Variants in DNAH17 observed in about 807,000 individuals in gnomAD.
DNAH17 encodes dynein axonemal heavy chain 17, also known as axonemal beta dynein heavy chain 17.
In DNAH17, 376 loss-of-function variants were observed where a neutral mutation model predicts 485.6. That is an observed-to-expected ratio of 0.77 (90% CI 0.71 to 0.84). The LOEUF (loss-of-function observed/expected upper bound fraction) is 0.84, where lower values mean the gene tolerates loss of function less well. DNAH17 is among the 40% of genes least tolerant of loss of function. DNAH17 has a pLI of 0.00. For missense variants in DNAH17, 6,370 were observed against 5,839.3 expected, an observed-to-expected ratio of 1.09 and a Z score of -2.96; for synonymous variants, 3,031 against 2,405.9, an observed-to-expected ratio of 1.26 and a Z score of -7.60.
chr17:78,575,971 T>C (rs2092427699), intron 1 of DNAH17, among the ~76,000 whole-genome samples: 1 of 152,112 alleles, frequency 6.6e-6, no homozygotes, highest in Admixed American at 6.5e-5. Context: ...AAGGGCAGGG[T>C]TGAATGCAAA....
rs115513537 is a variant in DNAH17, at chr17:78,492,531, A to G, written c.6541+102T>C. 725 of 1,516,210 alleles carry G rather than the reference A, an allele frequency of 4.8e-4. 2 individuals are homozygous for G. The African/African-American group carries it at 8.7e-3, about 18-fold the overall frequency. 93.9% of individuals were successfully genotyped at this position (1,516,210 alleles called of 1,614,324 possible). A position where few individuals can be genotyped will look rare whatever the true frequency, so the allele number is the denominator to read the frequency against. On this transcript the variant is annotated intron_variant, in intron 42 of 80. Transcript: ENST00000389840. The stretch of plus-strand genomic sequence containing the variant: ...GCCACGTGCCTGTGTGCCCCACCCT[A>G]GCCTGGGGAGGCTGGCCTTCCACGT...
intron 26 of DNAH17, among the ~76,000 whole-genome samples, chr17:78,512,073 G>A (rs2090649711): frequency 1.3e-5 from 2 of 152,176 alleles, no homozygotes; most frequent in Admixed American, 6.5e-5. Context: ...GGCGGAGCAG[G>A]AGCCTCTAAC....
intron 55 of DNAH17, among the ~76,000 whole-genome samples, 180 bp downstream of exon 55, chr17:78,468,437 C>T (rs570379645): frequency 3.3e-5 from 5 of 152,256 alleles, no homozygotes; most frequent in East Asian, 3.9e-4. Flanking sequence ...TAACGACCCA[C>T]GTGAAAAAGT....
chr17:78,570,460 C>T, intron 6 of DNAH17, 88 bp from the exon 7 acceptor site: 1 of 1,485,814 alleles, frequency 6.7e-7, no homozygotes, highest in East Asian at 2.5e-5. Flanking sequence ...CCATGGCTCT[C>T]ACTGGGTATC....
intron 68 of DNAH17, 67 bp downstream of exon 68, chr17:78,450,187 C>T (rs2087484954): frequency 1.9e-6 from 3 of 1,584,528 alleles, no homozygotes; most frequent in Middle Eastern, 1.9e-4. Context: ...GGGCAACAGG[C>T]CTGGCTGTGG....
chr17:78,561,028 G>A (rs754021830), intron 12 of DNAH17, 93 bp from the exon 13 acceptor site: 49 of 1,241,122 alleles, frequency 3.9e-5, no homozygotes, highest in South Asian at 2.2e-4. Context: ...CTGGGGTGCC[G>A]AAGCGGCCGG....
In DNAH17 at chr17:78,530,407, G is replaced by C; in HGVS notation, c.3220C>G (p.Leu1074Val). The C allele has an allele frequency of 6.2e-7, 1 of 1,613,726 alleles. No homozygotes were observed. The highest frequency in any genetic ancestry group is 8.5e-7 in the Non-Finnish European group (1 of 1,179,818). The change falls in exon 21 of 81, where the codon CTC becomes GTC. Residue 1074 changes from leucine to valine, a missense_variant. Physicochemically the swap from Leu to Val is conservative, Grantham distance 32. Coordinates refer to ENST00000389840, the MANE Select transcript of DNAH17 (RefSeq NM_173628.4). ...CDCRPFKQAL[L>V]STIRRWGFMF... ...AAGCCCCAGCGCCGGATTGTGCTGA[G>C]CAGGGCCTGCTTGAAGGGGCGGCAG... is the stretch of plus-strand genomic sequence containing the variant.
rs2087555325 is a variant in DNAH17 at position 78,451,573 on chromosome 17, C to T, written c.10630G>A (p.Ala3544Thr). 1 of 1,613,328 alleles carries T rather than the reference C, an allele frequency of 6.2e-7. No homozygotes were observed. The highest frequency in any genetic ancestry group is 8.5e-7 in the Non-Finnish European group (1 of 1,179,610). ...AGGAAGTTGATGAGGGTGCACTGAG[C>T]CTGCATCTCTGGCTTGTAGTGTGGG... The part of the protein sequence containing the change: ...FNPHYKPEMQ[A>T]QCTLINFLVT... The change falls in exon 66 of 81, where the codon GCT (alanine) becomes ACT (threonine). Residue 3544 changes from alanine to threonine, a missense_variant. By Grantham distance (58) the Ala-to-Thr change is moderately conservative. Transcript: ENST00000389840.
chr17:78,466,894 C>G, intron 55 of DNAH17, 78 bp from the exon 56 acceptor site: 2 of 1,411,442 alleles, frequency 1.4e-6, no homozygotes, highest in East Asian at 5.6e-5. Flanking sequence ...GCAGAAAGCT[C>G]TGCCAGAAAG....
At position 78,508,969 on chromosome 17, in the gene DNAH17, G is replaced by GTTT. The variant is rs112772580; in HGVS notation, c.4237-1167_4237-1165dup. Among the ~76,000 whole-genome samples, 188 of 98,780 alleles carry GTTT rather than the reference G, an allele frequency of 1.9e-3. 5 individuals carry two copies. The highest frequency in any genetic ancestry group is 3.3e-3 in the Non-Finnish European group (167 of 51,354). 64.8% of individuals were successfully genotyped at this position (98,780 alleles called of 152,430 possible). A position where few individuals can be genotyped will look rare whatever the true frequency, so the allele number is the denominator to read the frequency against. On this transcript the variant is annotated intron_variant, in intron 27 of 80. Transcript: ENST00000389840. ...GGTGTGTGTCATCATGTGCCCAGCT[G>GTTT]TTTTTTTTTTTTTTTGAGATGGAGT... is the stretch of plus-strand genomic sequence containing the variant.
rs1725252617 is a variant in DNAH17 at position 78,502,893 on chromosome 17, G to A, written c.5075C>T (p.Pro1692Leu). 6.2e-7 allele frequency: 1 copy of A among 1,613,860 alleles called. No homozygotes were observed. Among genetic ancestry groups the A allele is most frequent in the Non-Finnish European group, 8.5e-7 (1 of 1,179,900 alleles). The change falls in exon 32 of 81, where the codon CCA becomes CTA. Residue 1692 changes from proline (P) to leucine (L), a missense_variant. By Grantham distance (98) the Pro-to-Leu change is moderately conservative. Transcript: ENST00000389840. ...KPREQWILDY[P>L]AQVALTCTQI... is the part of the protein sequence containing the mutation. ...CCCCCACCCGCCTCAGACCTGGGCT[G>A]GGTAGTCCAGGATCCACTGCTCCCT...
chr17:78,463,670 G>A (rs925359857), intron 56 of DNAH17, among the ~76,000 whole-genome samples: 6 of 152,192 alleles, frequency 3.9e-5, no homozygotes, highest in African/African-American at 1.4e-4. Context: ...TCATATCCCA[G>A]GTAATTCTGC....
chr17:78,528,476 C>G (rs937868528), intron 22 of DNAH17, among the ~76,000 whole-genome samples: 2 of 152,156 alleles, frequency 1.3e-5, no homozygotes, highest in Non-Finnish European at 1.5e-5. Context: ...GGCCGGGGCC[C>G]CTCCCTCTTG....
chr17:78,550,093 G>T (rs1458123345), intron 16 of DNAH17, among the ~76,000 whole-genome samples: 1 of 152,258 alleles, frequency 6.6e-6, no homozygotes, highest in Non-Finnish European at 1.5e-5. Context: ...AATGGCCTGT[G>T]TGCCAGAGCA....
At chr17:78,529,441 C>A (rs1181429559) in intron 22 of DNAH17, 31 bp downstream of exon 22, 1 of 1,609,908 alleles carries the variant, frequency 6.2e-7, no homozygotes, top group Admixed American at 1.7e-5. Context: ...CCCTGCTCAC[C>A]TGGACGCAGC....
In DNAH17 at chr17:78,425,577, A is replaced by G; in HGVS notation, c.12916-6T>C. On this transcript the variant is annotated splice_polypyrimidine_tract_variant and splice_region_variant and intron_variant, in intron 79 of 80. Coordinates refer to ENST00000389840, the MANE Select transcript of DNAH17 (RefSeq NM_173628.4). ...GTCGTCCAGGCCTCGAGTTCCTGCA[A>G]GGACACACGAGCCGCTAGGAGGAGA... 2 of 1,593,776 alleles carry G rather than the reference A, an allele frequency of 1.3e-6. No individual in the cohort carries two copies. The highest frequency in any genetic ancestry group is 1.8e-5 in the Admixed American group (1 of 56,336).
Position 78,486,335 on chromosome 17 carries a change from C to T in DNAH17, c.6990G>A (p.Glu2330=). 6.2e-7 allele frequency: 1 copy of T among 1,613,868 alleles called. No individual in the cohort carries two copies. The highest frequency in any genetic ancestry group is 8.5e-7 in the Non-Finnish European group (1 of 1,179,828). The stretch of plus-strand genomic sequence containing the variant: ...GCACGGTCTTCTCCGTGAGCAGGCA[C>T]TCCAGCAGGTACAGAATCGTTTGGA... The part of the protein sequence containing the change: ...TVIQTILYLL[E]CLLTEKTVPP... Residue 2330 remains glutamate, a synonymous_variant, in exon 45 of 81, where the codon GAG becomes GAA. Transcript: ENST00000389840.
rs764521012 is a variant in DNAH17, at chr17:78,494,192, G to C, written c.6271-19C>G. 1 of 1,600,694 alleles carries C rather than the reference G, an allele frequency of 6.2e-7. No individual in the cohort carries two copies. The highest frequency in any genetic ancestry group is 1.1e-5 in the South Asian group (1 of 90,698). On this transcript the variant is annotated intron_variant, in intron 40 of 80. Coordinates refer to ENST00000389840, the MANE Select transcript of DNAH17 (RefSeq NM_173628.4). Reference sequence around the variant, plus strand: ...TGATGATCTGGGGAGACATGGATGAGGCTGGGTGAGGAACTGAAGCAGCTT... The same window carrying C: ...TGATGATCTGGGGAGACATGGATGACGCTGGGTGAGGAACTGAAGCAGCTT...
chr17:78,569,054 T>G, intron 9 of DNAH17, 112 bp downstream of exon 9: 1 of 853,578 alleles, frequency 1.2e-6, no homozygotes. Flanking sequence ...GCCTCACTTA[T>G]TTTCTGCCTG....
Sources: allele counts gnomAD v4.1 joint callset (sites outside exome capture counted in the v4.1 genomes callset), GRCh38; gene constraint gnomAD v4.1.1; transcripts MANE v1.5; gene names NCBI Gene and HGNC (gene_info 2026-07-23, HGNC 2026-07-21).